FRMD3: variants seen among roughly 807,000 people sequenced by gnomAD.
The protein encoded by FRMD3 is FERM domain containing 3, also known as FERM domain-containing protein 3.
FRMD3 carries 33 observed loss-of-function variants against 70.2 expected under a neutral mutation model. The ratio of observed to expected loss-of-function variants is 0.47; its 90% confidence interval spans 0.36 to 0.63. FRMD3 has a LOEUF of 0.63. Ranked by LOEUF, FRMD3 falls within the 20% of genes least tolerant of loss-of-function variation. The pLI is 0.00. For synonymous variants in FRMD3, 279 were observed against 255.9 expected (o/e 1.09, Z -0.86); for missense variants, 632 against 711.4 (o/e 0.89, Z 1.27).
chr9:83,307,136 T>C (rs1835164679), intron 10 of FRMD3, among the ~76,000 whole-genome samples: 1 of 152,200 alleles, frequency 6.6e-6, no homozygotes. Flanking sequence ...TTCCCTCATA[T>C]GCAAGAAAAT....
At chr9:83,491,743 G>A (rs1017768948) in intron 1 of FRMD3, among the ~76,000 whole-genome samples, 1 of 152,212 alleles carries the variant, frequency 6.6e-6, no homozygotes, top group African/African-American at 2.4e-5. Context: ...TGGTAGGAAA[G>A]GGATTATGTT....
intron 1 of FRMD3, among the ~76,000 whole-genome samples, chr9:83,401,566 C>A (rs190097950): frequency 1.7e-3 from 255 of 152,338 alleles, no homozygotes; most frequent in African/African-American, 5.9e-3. Context: ...AGTGAGTTAA[C>A]ACCACAGAGG....
chr9:83,534,782 CAT>C (rs1829857742), intron 1 of FRMD3, among the ~76,000 whole-genome samples: 1 of 152,206 alleles, frequency 6.6e-6, no homozygotes, highest in Non-Finnish European at 1.5e-5. Flanking sequence ...CCCCCAGTGA[CAT>C]TTGGATTGTG....
At chr9:83,392,712 A>G (rs1825699454) in intron 1 of FRMD3, among the ~76,000 whole-genome samples, 1 of 152,212 alleles carries the variant, frequency 6.6e-6, no homozygotes. Flanking sequence ...CAGCACTAAC[A>G]GAGAGCCCCG....
At chr9:83,408,392 A>G (rs1055124338) in intron 1 of FRMD3, among the ~76,000 whole-genome samples, 2 of 152,034 alleles carry the variant, frequency 1.3e-5, no homozygotes, top group Non-Finnish European at 2.9e-5. Flanking sequence ...TTCTGCCCTC[A>G]CCAGGTTGTC....
At chr9:83,439,683 CATTAGATACAT>C (rs900053987) in intron 1 of FRMD3, among the ~76,000 whole-genome samples, 90 of 152,318 alleles carry the variant, frequency 5.9e-4, no homozygotes, top group African/African-American at 2.1e-3. Context: ...CTGAACACAT[CATTAGATACAT>C]ATTATGATTA....
chr9:83,577,796 C>T, the FRMD3 span, among the ~76,000 whole-genome samples: 1 of 151,942 alleles, frequency 6.6e-6, no homozygotes, highest in Middle Eastern at 3.4e-3. Flanking sequence ...GAAGAACAAA[C>T]TGAGTCCAAA....
At chr9:83,528,761 C>A (rs1047486526) in intron 1 of FRMD3, among the ~76,000 whole-genome samples, 1 of 152,116 alleles carries the variant, frequency 6.6e-6, no homozygotes, top group Non-Finnish European at 1.5e-5. Flanking sequence ...CTCCTGGGCT[C>A]ATGCAATCTG....
the FRMD3 span, among the ~76,000 whole-genome samples, chr9:83,548,959 C>CT: frequency 6.6e-6 from 1 of 151,424 alleles, no homozygotes; most frequent in Non-Finnish European, 1.5e-5. Context: ...TTACAGATTT[C>CT]TTTTTTTTAT....
chr9:83,515,916 T>A (rs1373233805), intron 1 of FRMD3, among the ~76,000 whole-genome samples: 1 of 152,124 alleles, frequency 6.6e-6, no homozygotes, highest in Non-Finnish European at 1.5e-5. Flanking sequence ...GGCAAGCAAA[T>A]GCTGAAGGAT....
At chr9:83,518,723 G>A (rs1363567200) in intron 1 of FRMD3, among the ~76,000 whole-genome samples, 2 of 151,872 alleles carry the variant, frequency 1.3e-5, no homozygotes, top group South Asian at 4.1e-4. Context: ...GAAGCATCAC[G>A]CTACCTGACT....
the FRMD3 span, among the ~76,000 whole-genome samples, chr9:83,550,805 G>T: frequency 1.3e-5 from 2 of 151,708 alleles, no homozygotes; most frequent in African/African-American, 4.8e-5. Context: ...AGGAATGCTA[G>T]TGATTTTTGT....
intron 2 of FRMD3, among the ~76,000 whole-genome samples, chr9:83,373,256 G>A (rs1338926606): frequency 6.6e-6 from 1 of 152,146 alleles, no homozygotes; most frequent in South Asian, 2.1e-4. Flanking sequence ...TTGACTCCTA[G>A]GTGATTCTTT....
intron 1 of FRMD3, among the ~76,000 whole-genome samples, chr9:83,499,461 C>T (rs1829015154): frequency 6.6e-6 from 1 of 152,070 alleles, no homozygotes; most frequent in Non-Finnish European, 1.5e-5. Flanking sequence ...CGTGTGGGAC[C>T]CAGAAACAGA....
upstream of FRMD3, among the ~76,000 whole-genome samples, chr9:83,542,302 G>T (rs560502737): frequency 1.3e-5 from 2 of 152,176 alleles, no homozygotes; most frequent in Non-Finnish European, 2.9e-5. Flanking sequence ...AAGATTGATG[G>T]TTGTAAATAT....
At chr9:83,319,449 T>G (rs1835711066) in intron 6 of FRMD3, among the ~76,000 whole-genome samples, 7 of 152,114 alleles carry the variant, frequency 4.6e-5, no homozygotes, top group Admixed American at 3.3e-4. Flanking sequence ...TTAAATGGAG[T>G]CTTGCTCTGT....
intron 1 of FRMD3, among the ~76,000 whole-genome samples, chr9:83,448,776 C>A (rs1457246277): frequency 6.6e-6 from 1 of 152,204 alleles, no homozygotes; most frequent in Non-Finnish European, 1.5e-5. Context: ...CTAGCCTCCA[C>A]AAATTTCACG....
At chr9:83,524,184 G>C (rs527324965) in intron 1 of FRMD3, among the ~76,000 whole-genome samples, 1 of 152,212 alleles carries the variant, frequency 6.6e-6, no homozygotes, top group Admixed American at 6.5e-5. Context: ...AAAACTACAA[G>C]GTAAATTACA....
chr9:83,505,477 T>C (rs1441568895), intron 1 of FRMD3, among the ~76,000 whole-genome samples: 3 of 152,068 alleles, frequency 2.0e-5, no homozygotes, highest in Non-Finnish European at 4.4e-5. Flanking sequence ...ATGGGGGTGC[T>C]GAGTAGAGAG....
Sources: gnomAD v4.1 joint callset for allele counts (sites outside exome capture counted in the v4.1 genomes callset) on GRCh38, gnomAD v4.1.1 for gene constraint, MANE v1.5 for transcripts, NCBI Gene and HGNC (gene_info 2026-07-23, HGNC 2026-07-21) for gene names.